The following MYLK4 variants were observed in gnomAD, a reference collection of about 807,000 sequenced individuals.
The protein encoded by MYLK4 is caMLCK like.
MYLK4 carries 46 observed loss-of-function variants against 48.1 expected under a neutral mutation model. The ratio of observed to expected loss-of-function variants is 0.96; its 90% CI spans 0.75 to 1.22. MYLK4 has a LOEUF of 1.22. Ranked by LOEUF, MYLK4 falls within the 50% of genes most tolerant of loss-of-function variation. The pLI is 0.00. For synonymous variants in MYLK4, 170 were observed against 180.8 expected (o/e 0.94, Z 0.48); for missense variants, 451 against 486.1 (o/e 0.93, Z 0.68).
At position 2,672,131 on chromosome 6, in the gene MYLK4, G is replaced by C. The variant is rs1760921316; in HGVS notation, c.1120-783C>G. On this transcript the variant is annotated intron_variant, in intron 11 of 12. Coordinates refer to ENST00000274643, the MANE Select transcript of MYLK4 (RefSeq NM_001012418.5). This position sits in a 1 kb window ranked among gnomAD's most constrained non-coding sequence, Gnocchi z 4.3. Reference sequence around the variant, plus strand: ...GCATGAGCCGAGGTCACAACACTGAGAATGGGAAGGAAGGGTCAGAGGCTT... The same window carrying C: ...GCATGAGCCGAGGTCACAACACTGACAATGGGAAGGAAGGGTCAGAGGCTT... Among the ~76,000 whole-genome samples, 1 of 152,208 alleles carries C rather than the reference G, an allele frequency of 6.6e-6. No homozygotes were observed. Among genetic ancestry groups the C allele is most frequent in the East Asian group, 1.9e-4 (1 of 5,198 alleles).
intron 10 of MYLK4, among the ~76,000 whole-genome samples, chr6:2,675,553 T>C (rs1268223648): frequency 6.6e-6 from 1 of 152,232 alleles, no homozygotes; most frequent in East Asian, 1.9e-4. Flanking sequence ...TAAATATTAC[T>C]AACTTTTGAA....
intron 2 of MYLK4, among the ~76,000 whole-genome samples, chr6:2,734,048 C>G (rs958627331): frequency 2.0e-5 from 3 of 152,130 alleles, no homozygotes; most frequent in African/African-American, 7.2e-5. Context: ...CACTAGTGAC[C>G]TTTCCATTCA....
chr6:2,747,390 C>T (rs189662329), intron 2 of MYLK4, among the ~76,000 whole-genome samples: 1 of 152,068 alleles, frequency 6.6e-6, no homozygotes, highest in African/African-American at 2.4e-5. Context: ...CTGTTGCCCA[C>T]GCTGGAGTGC....
chr6:2,747,048 T>A (rs188867241), intron 2 of MYLK4, among the ~76,000 whole-genome samples: 106 of 152,292 alleles, frequency 7.0e-4, no homozygotes, highest in African/African-American at 2.5e-3. Flanking sequence ...TAGGCCCTTC[T>A]CCATTTACAA....
chr6:2,748,282 G>A (rs1764168036), intron 2 of MYLK4, among the ~76,000 whole-genome samples: 1 of 152,200 alleles, frequency 6.6e-6, no homozygotes, highest in Non-Finnish European at 1.5e-5. Flanking sequence ...AAGCAACTGA[G>A]GAAACATGAA....
rs116564639 is a variant in MYLK4 at position 2,738,496 on chromosome 6, C to T, written c.159+10640G>A. ...GAACAGAGAGCTGAGAGTGGCCTGACATTCGTTCCAACAATTAGGATTAGC... is the reference window on the plus strand; with the variant it reads ...GAACAGAGAGCTGAGAGTGGCCTGATATTCGTTCCAACAATTAGGATTAGC... On this transcript the variant is annotated intron_variant, in intron 2 of 12. Transcript: ENST00000274643. Among the ~76,000 whole-genome samples, 343 of 152,338 alleles carry T rather than the reference C, an allele frequency of 2.3e-3. 2 individuals carry two copies. The highest frequency in any genetic ancestry group is 8.0e-3 in the African/African-American group (333 of 41,580).
intron 2 of MYLK4, among the ~76,000 whole-genome samples, chr6:2,700,157 T>C (rs1168032694): frequency 2.0e-5 from 3 of 152,154 alleles, no homozygotes; most frequent in African/African-American, 7.2e-5. Context: ...GTCCTCTGAC[T>C]TGAGGCCGCT....
intron 9 of MYLK4, 77 bp downstream of exon 9, chr6:2,679,203 T>C: frequency 3.9e-6 from 6 of 1,554,138 alleles, no homozygotes; most frequent in Non-Finnish European, 5.3e-6. Context: ...CAATTGGGGC[T>C]TTTATTTAAA....
chr6:2,719,533 G>A (rs1762993084), intron 2 of MYLK4, among the ~76,000 whole-genome samples: 1 of 152,154 alleles, frequency 6.6e-6, no homozygotes, highest in African/African-American at 2.4e-5. Flanking sequence ...ACTATTAACT[G>A]TCTGTGAAAA....
At chr6:2,686,083 GAAGAAAGA>G (rs148638836) in intron 4 of MYLK4, among the ~76,000 whole-genome samples, 2 of 130,538 alleles carry the variant, frequency 1.5e-5, no homozygotes, top group Non-Finnish European at 3.3e-5. Flanking sequence ...AAAAAAAAAA[GAAGAAAGA>G]AAGAAAGAAA....
intron 12 of MYLK4, among the ~76,000 whole-genome samples, chr6:2,669,786 G>A (rs933289798): frequency 1.3e-5 from 2 of 152,168 alleles, no homozygotes; most frequent in Admixed American, 6.5e-5. Context: ...AGACTTTCAT[G>A]TCCTTGCTGT....
At chr6:2,766,353 A>G in the MYLK4 span, 7 of 1,610,462 alleles carry the variant, frequency 4.3e-6, no homozygotes, top group East Asian at 1.1e-4. Flanking sequence ...GGGCAGAGCA[A>G]GGCCGTGGGC....
At chr6:2,766,317 G>T in the MYLK4 span, 1 of 1,610,472 alleles carries the variant, frequency 6.2e-7, no homozygotes, top group East Asian at 2.2e-5. Flanking sequence ...GACACGATGC[G>T]TCCTGACACG....
Position 2,685,245 on chromosome 6 carries a change from G to A in MYLK4, c.545+51C>T, listed in dbSNP as rs779477279. On this transcript the variant is annotated intron_variant, in intron 6 of 12. Transcript: ENST00000274643. This position sits in a 1 kb window ranked among gnomAD's most constrained non-coding sequence, Gnocchi z 4.5. ...GACGGAGCTACTGAGGCACGGTCAC[G>A]GTCATGAGTGCCCTTGGGGAGGTCA... 3.5e-5 allele frequency: 48 copies of A among 1,383,318 alleles called. No homozygotes were observed. In the South Asian group the frequency reaches 4.7e-4, roughly 13 times the overall value. 85.7% of individuals were successfully genotyped at this position (1,383,318 alleles called of 1,614,324 possible).
intron 2 of MYLK4, among the ~76,000 whole-genome samples, chr6:2,700,063 G>A (rs762950520): frequency 2.0e-5 from 3 of 152,140 alleles, no homozygotes; most frequent in Non-Finnish European, 4.4e-5. Flanking sequence ...CCCATTGGAT[G>A]TGCTGACACC....
In MYLK4 at chr6:2,685,540, C is replaced by T. The variant is rs1384653516; in HGVS notation, c.378G>A (p.Thr126=). 3 of 1,614,124 alleles carry T rather than the reference C, an allele frequency of 1.9e-6. No homozygotes were observed. The highest frequency in any genetic ancestry group is 2.5e-6 in the Non-Finnish European group (3 of 1,180,024). ...RFGQVHKCEE[T]ATGLKLAAKI... is the part of the protein sequence containing the mutation. ...TGGCTGCCAGCTTCAGACCTGTGGC[C>T]GTCTCCTCACACTTGTGAACCTGGC... The change falls in exon 5 of 13, where the codon ACG becomes ACA. Residue 126 remains threonine (T), a synonymous_variant. Transcript: ENST00000274643. The surrounding 1 kb of genome is among the most constrained non-coding windows in gnomAD (Gnocchi z 4.5).
the MYLK4 span, among the ~76,000 whole-genome samples, chr6:2,763,814 G>A: frequency 6.6e-5 from 10 of 151,872 alleles, no homozygotes; most frequent in East Asian, 1.9e-3. Context: ...AGGGCTGCCA[G>A]AATGCTGTCA....
chr6:2,749,310 G>A lies in MYLK4; in HGVS notation c.-16C>T, dbSNP rs557463741. The A allele has an allele frequency of 1.4e-5, 22 of 1,606,886 alleles. No individual in the cohort carries two copies. In the East Asian group the frequency reaches 1.8e-4, roughly 13 times the overall value. ...CTTTTAACATCTTAGTAGTGAGTCC[G>A]ATTAAGCTACTTTCTGGAGTGTGGT... On this transcript the variant is annotated 5_prime_UTR_variant, in exon 2 of 13. Transcript: ENST00000274643.
At chr6:2,766,374 T>C in the MYLK4 span, 1 of 1,609,276 alleles carries the variant, frequency 6.2e-7, no homozygotes, top group Non-Finnish European at 8.5e-7. Context: ...CAGGATACCC[T>C]GCTGCGCTCG....
Sources: gnomAD v4.1 joint callset for allele counts (sites outside exome capture counted in the v4.1 genomes callset) on GRCh38, gnomAD v4.1.1 for gene constraint, Gnocchi (gnomAD v3.1) non-coding constraint, MANE v1.5 for transcripts, NCBI Gene and HGNC (gene_info 2026-07-23, HGNC 2026-07-21) for gene names.